PHACTR1: variants seen among roughly 807,000 people sequenced by gnomAD.
PHACTR1 encodes phosphatase and actin regulator 1, also known as RPEL repeat containing 1.
In PHACTR1, 16 loss-of-function variants were observed where a neutral mutation model predicts 69.2. The observed-to-expected ratio is 0.23, with a 90% CI of 0.16 to 0.35. PHACTR1 has a LOEUF of 0.35. Among genes scored for constraint, PHACTR1 ranks in the 10% least tolerant of loss-of-function variants. The pLI, the probability that PHACTR1 is intolerant of heterozygous loss-of-function variation, is 1.00. For synonymous variants in PHACTR1, 312 were observed against 284.5 expected (o/e 1.10, Z -0.97); for missense variants, 510 against 734.7 (o/e 0.69, Z 3.54).
chr6:13,163,985 A>G (rs1413118217), intron 6 of PHACTR1, among the ~76,000 whole-genome samples: 1 of 151,978 alleles, frequency 6.6e-6, no homozygotes, highest in Non-Finnish European at 1.5e-5. Context: ...GCCTCACCCT[A>G]GGTGACCCTA....
At position 13,006,660 on chromosome 6, in the gene PHACTR1, TACAC is replaced by T. The variant is rs71819721; in HGVS notation, c.251-46686_251-46683del. ...TTATATTAAATAAGGTGATATATGA[TACAC>T]ACACACACACACACACACTTCTCAT... On this transcript the variant is annotated intron_variant, in intron 4 of 14. Coordinates refer to ENST00000332995, the MANE Select transcript of PHACTR1 (RefSeq NM_030948.6). Among the ~76,000 whole-genome samples the T allele has an allele frequency of 1.0e-2, 1,497 of 149,708 alleles. 25 individuals are homozygous for T. Among genetic ancestry groups the T allele is most frequent in the African/African-American group, 0.032 (1,323 of 40,970 alleles).
chr6:12,972,543 T>A (rs1259265056), intron 4 of PHACTR1, among the ~76,000 whole-genome samples: 1 of 152,178 alleles, frequency 6.6e-6, no homozygotes, highest in Non-Finnish European at 1.5e-5. Flanking sequence ...TAGAAGAGAA[T>A]CCATTTCTGT....
At position 13,115,887 on chromosome 6, in the gene PHACTR1, C is replaced by T. The variant is rs184901207; in HGVS notation, c.416-44317C>T. Among the ~76,000 whole-genome samples, 247 of 152,250 alleles carry T rather than the reference C, an allele frequency of 1.6e-3. 2 individuals carry two copies. The highest frequency in any genetic ancestry group is 5.4e-3 in the African/African-American group (225 of 41,554). On this transcript the variant is annotated intron_variant, in intron 5 of 14. Transcript: ENST00000332995. ...TTCTTCTAAAAAATTTCACCAAGCC[C>T]AGAGACAGAACAGCAGGTGCGTAGG...
intron 4 of PHACTR1, chr6:12,933,936 G>A (rs1789162159): frequency 1.2e-6 from 2 of 1,602,404 alleles, no homozygotes; most frequent in East Asian, 2.2e-5. Flanking sequence ...GAAAATGCGG[G>A]TTGGCGTGTG....
chr6:13,167,185 A>T (rs1048425685), intron 6 of PHACTR1, among the ~76,000 whole-genome samples: 2 of 152,222 alleles, frequency 1.3e-5, no homozygotes, highest in African/African-American at 4.8e-5. Flanking sequence ...AAGGCTATGC[A>T]CATTGGTTAT....
At chr6:12,884,575 G>A (rs998318475) in intron 4 of PHACTR1, among the ~76,000 whole-genome samples, 29 of 151,960 alleles carry the variant, frequency 1.9e-4, no homozygotes, top group African/African-American at 6.8e-4. Flanking sequence ...TAATTTTTTT[G>A]TATTTTTAGT....
chr6:13,075,962 T>C lies in PHACTR1; in HGVS notation c.415+22433T>C, dbSNP rs147009259. 6.0e-3 allele frequency among the ~76,000 whole-genome samples: 910 copies of C among 151,902 alleles called. 2 individuals carry two copies. Among genetic ancestry groups the C allele is most frequent in the Non-Finnish European group, 9.4e-3 (640 of 67,974 alleles). ...TTCAGTTATGTCATGGAAATGACAA[T>C]AGGATTTGATCAGAAATACCTTCTT... On this transcript the variant is annotated intron_variant, in intron 5 of 14. Transcript: ENST00000332995.
At chr6:13,161,293 T>A (rs1758967608) in intron 6 of PHACTR1, among the ~76,000 whole-genome samples, 1 of 152,182 alleles carries the variant, frequency 6.6e-6, no homozygotes, top group Non-Finnish European at 1.5e-5. Flanking sequence ...AATTTTCAAT[T>A]GAACTTGCAT....
chr6:13,038,172 C>T (rs539963412), intron 4 of PHACTR1, among the ~76,000 whole-genome samples: 1 of 152,112 alleles, frequency 6.6e-6, no homozygotes, highest in Non-Finnish European at 1.5e-5. Flanking sequence ...GAAGCAGATG[C>T]TGTTATTATC....
chr6:13,157,709 C>T (rs562315393), intron 5 of PHACTR1, among the ~76,000 whole-genome samples: 2 of 152,294 alleles, frequency 1.3e-5, no homozygotes, highest in South Asian at 4.1e-4. Flanking sequence ...TAAGAGAAAT[C>T]CGTTTTATTT....
At chr6:12,926,046 T>G (rs942894688) in intron 4 of PHACTR1, among the ~76,000 whole-genome samples, 18 of 152,194 alleles carry the variant, frequency 1.2e-4, no homozygotes, top group African/African-American at 4.3e-4. Context: ...CCATCCCCTC[T>G]GCAGTGTGGC....
rs1254603888 is a variant in PHACTR1, at chr6:13,227,839, C to A, written c.1010C>A (p.Ser337Tyr). ...LESSEQRVPC[S>Y]TSYHSSGLHS... ...AGCTCTGAGCAGCGGGTCCCCTGTT[C>A]CACTTCTTACCACAGCTCTGGGTTG... The change falls in exon 9 of 15, where the codon TCC becomes TAC. Residue 337 changes from serine to tyrosine, a missense_variant. By Grantham distance (144) the Ser-to-Tyr change is moderately radical. Coordinates refer to ENST00000332995, the MANE Select transcript of PHACTR1 (RefSeq NM_030948.6). 1 of 1,613,992 alleles carries A rather than the reference C, an allele frequency of 6.2e-7. No homozygotes were observed. Among genetic ancestry groups the A allele is most frequent in the South Asian group, 1.1e-5 (1 of 91,082 alleles).
chr6:12,893,229 G>A (rs1318945706), intron 4 of PHACTR1, among the ~76,000 whole-genome samples: 1 of 152,160 alleles, frequency 6.6e-6, no homozygotes, highest in African/African-American at 2.4e-5. Flanking sequence ...GGGTCACATA[G>A]ACAGATGCGT....
chr6:13,018,062 C>T (rs1463258347), intron 4 of PHACTR1, among the ~76,000 whole-genome samples: 1 of 152,112 alleles, frequency 6.6e-6, no homozygotes, highest in Non-Finnish European at 1.5e-5. Flanking sequence ...AAACATTTAG[C>T]ATATTTTCTA....
intron 4 of PHACTR1, among the ~76,000 whole-genome samples, chr6:12,895,181 T>C (rs1000821416): frequency 5.3e-5 from 7 of 131,426 alleles, no homozygotes; most frequent in Admixed American, 3.6e-4. Context: ...TTTTTTCTTT[T>C]TTTTTTTTTT....
chr6:13,182,912 T>A (rs1267492724), intron 7 of PHACTR1, among the ~76,000 whole-genome samples: 1 of 152,240 alleles, frequency 6.6e-6, no homozygotes, highest in Non-Finnish European at 1.5e-5. Flanking sequence ...CTTTACTACC[T>A]TAATCTCTTT....
intron 4 of PHACTR1, among the ~76,000 whole-genome samples, chr6:12,801,256 C>G (rs6917493): frequency 0.37 from 56,116 of 151,632 alleles, 11,098 homozygotes; most frequent in African/African-American, 0.5. Flanking sequence ...AGAAGAACAC[C>G]ATCTAACTTG....
intron 3 of PHACTR1, among the ~76,000 whole-genome samples, chr6:12,740,775 A>C (rs888491049): frequency 3.3e-5 from 5 of 151,844 alleles, no homozygotes; most frequent in Admixed American, 1.3e-4. Context: ...AAGTTCTTGA[A>C]TATATAAACA....
chr6:12,767,162 G>A (rs1768735437), intron 4 of PHACTR1, among the ~76,000 whole-genome samples: 1 of 152,178 alleles, frequency 6.6e-6, no homozygotes, highest in African/African-American at 2.4e-5. Context: ...CCCAGCTAAT[G>A]CCACTGTAAT....
Sources: allele counts gnomAD v4.1 joint callset (sites outside exome capture counted in the v4.1 genomes callset), GRCh38; gene constraint gnomAD v4.1.1; transcripts MANE v1.5; gene names NCBI Gene and HGNC (gene_info 2026-07-23, HGNC 2026-07-21).